Variants in NRXN1 observed in about 807,000 individuals in gnomAD.
NRXN1 encodes the protein neurexin-1.
NRXN1 carries 39 observed loss-of-function variants against 150.9 expected under a neutral mutation model. The observed-to-expected ratio is 0.26, with a 90% CI of 0.20 to 0.34. NRXN1 has a LOEUF of 0.34. Among genes scored for constraint, NRXN1 ranks in the 10% least tolerant of loss-of-function variants. The probability of loss-of-function intolerance (pLI) is 1.00; values close to 1 mark genes in which losing one functional copy is unlikely to be tolerated. For missense variants in NRXN1, 1,815 were observed against 1,949.9 expected, an observed-to-expected ratio of 0.93 and a Z score of 1.30; for synonymous variants, 924 against 757.0, an observed-to-expected ratio of 1.22 and a Z score of -3.62.
intron 5 of NRXN1, among the ~76,000 whole-genome samples, chr2:50,626,604 T>C (rs1362333870): frequency 6.6e-6 from 1 of 151,924 alleles, no homozygotes; most frequent in Admixed American, 6.6e-5. Context: ...ACATCCTTTG[T>C]TCACAAAAAT....
intron 5 of NRXN1, among the ~76,000 whole-genome samples, chr2:50,874,400 T>C (rs1275140012): frequency 6.6e-6 from 1 of 151,780 alleles, no homozygotes; most frequent in African/African-American, 2.4e-5. Flanking sequence ...CATTTTTCCA[T>C]CTCTTTTTTT....
chr2:50,393,840 A>G (rs1053915373), intron 17 of NRXN1, among the ~76,000 whole-genome samples: 3 of 152,074 alleles, frequency 2.0e-5, no homozygotes, highest in African/African-American at 7.2e-5. Flanking sequence ...ATGCGAGAAA[A>G]ATCACAGGCA....
intron 17 of NRXN1, among the ~76,000 whole-genome samples, chr2:50,253,887 T>C (rs943245541): frequency 1.3e-5 from 2 of 151,862 alleles, no homozygotes; most frequent in Non-Finnish European, 2.9e-5. Context: ...TTTTTTGTTG[T>C]ATCTCTGGTA....
At chr2:49,978,147 C>T (rs146223214) in intron 21 of NRXN1, among the ~76,000 whole-genome samples, 11 of 151,936 alleles carry the variant, frequency 7.2e-5, no homozygotes, top group South Asian at 6.2e-4. Context: ...GGTGACAGAG[C>T]GAGACTCCAT....
chr2:50,829,431 T>G, intron 5 of NRXN1: 1 of 1,490,194 alleles, frequency 6.7e-7, no homozygotes, highest in Non-Finnish European at 9.3e-7. Flanking sequence ...CCCGGCTAAC[T>G]CAGGATTTTT....
chr2:50,575,195 T>C (rs951085182), intron 8 of NRXN1, among the ~76,000 whole-genome samples: 2 of 152,212 alleles, frequency 1.3e-5, no homozygotes, highest in Non-Finnish European at 2.9e-5. Context: ...TTCAGTGCCT[T>C]TTCCCCCTCA....
intron 17 of NRXN1, among the ~76,000 whole-genome samples, chr2:50,425,300 C>T (rs1004252198): frequency 3.9e-5 from 6 of 152,126 alleles, no homozygotes; most frequent in Non-Finnish European, 7.4e-5. Context: ...TCAATGTCTT[C>T]CCTGGAAGTA....
At position 50,708,724 on chromosome 2, in the gene NRXN1, C is replaced by T. The variant is rs75620709; in HGVS notation, c.833-85109G>A. 2.8e-3 allele frequency among the ~76,000 whole-genome samples: 430 copies of T among 152,202 alleles called. 8 individuals carry two copies. In the East Asian group the frequency reaches 0.052, roughly 19 times the overall value. ...AAAGCAAATCTAAGGTGTAAAGTAT[C>T]GGTGGGATCTAGTCTGCTTCTCTCC... is the stretch of plus-strand genomic sequence containing the variant. On this transcript the variant is annotated intron_variant, in intron 5 of 22. Transcript: ENST00000401669.
chr2:49,991,551 C>T lies in NRXN1; in HGVS notation c.4129-47760G>A, dbSNP rs1233434304. Among the ~76,000 whole-genome samples the T allele has an allele frequency of 2.0e-5, 3 of 151,978 alleles. No homozygotes were observed. The East Asian group carries it at 5.8e-4, about 29-fold the overall frequency. On this transcript the variant is annotated intron_variant, in intron 21 of 22. Coordinates refer to ENST00000401669, the MANE Select transcript of NRXN1 (RefSeq NM_001330078.2). ...TATCTAAAAAATAAGTAGTTTTCTT[C>T]TATATAAGGAGAACTACAAAACCTT...
chr2:50,617,217 T>A (rs1448893069), intron 8 of NRXN1, among the ~76,000 whole-genome samples: 3 of 151,916 alleles, frequency 2.0e-5, no homozygotes, highest in Non-Finnish European at 2.9e-5. Flanking sequence ...GCAGATCACT[T>A]GAGGTCAGTA....
At chr2:50,995,876 T>C (rs1260867779) in intron 2 of NRXN1, among the ~76,000 whole-genome samples, 1 of 152,108 alleles carries the variant, frequency 6.6e-6, no homozygotes, top group East Asian at 1.9e-4. Context: ...CAGCTGTCTT[T>C]CTGGTGTACT....
chr2:50,518,396 A>G (rs530319164), intron 12 of NRXN1, among the ~76,000 whole-genome samples: 4 of 152,010 alleles, frequency 2.6e-5, no homozygotes, highest in Non-Finnish European at 5.9e-5. Context: ...AAAATTGAGT[A>G]CTAAATAGTT....
intron 18 of NRXN1, among the ~76,000 whole-genome samples, chr2:50,141,565 G>T (rs1707280694): frequency 6.6e-6 from 1 of 151,812 alleles, no homozygotes; most frequent in Non-Finnish European, 1.5e-5. Flanking sequence ...TTCATCCAAG[G>T]GACTAATATC....
At chr2:51,023,437 A>C (rs1397960811) in intron 2 of NRXN1, among the ~76,000 whole-genome samples, 2 of 152,320 alleles carry the variant, frequency 1.3e-5, no homozygotes, top group Admixed American at 1.3e-4. Context: ...CATCTCCTGC[A>C]TCAGAATTCT....
chr2:50,550,054 CTTTTA>C (rs1311804483), intron 9 of NRXN1, among the ~76,000 whole-genome samples: 5 of 151,890 alleles, frequency 3.3e-5, no homozygotes, highest in Admixed American at 3.3e-4. Flanking sequence ...TTTCCTTTTT[CTTTTA>C]TATTATTTTG....
chr2:50,846,028 A>T (rs1673596666), intron 5 of NRXN1, among the ~76,000 whole-genome samples: 1 of 152,204 alleles, frequency 6.6e-6, no homozygotes. Flanking sequence ...TGTTTTTCAC[A>T]TTAAAATTTC....
intron 5 of NRXN1, among the ~76,000 whole-genome samples, chr2:50,805,576 G>C (rs189567081): frequency 6.6e-6 from 1 of 152,032 alleles, no homozygotes; most frequent in African/African-American, 2.4e-5. Flanking sequence ...GGAGGCAGAG[G>C]TTGCAGTGAG....
intron 8 of NRXN1, among the ~76,000 whole-genome samples, chr2:50,565,818 T>G (rs552616495): frequency 1.3e-5 from 2 of 152,198 alleles, no homozygotes; most frequent in South Asian, 4.1e-4. Context: ...CATCAACTCC[T>G]CCCGTCAATA....
intron 18 of NRXN1, among the ~76,000 whole-genome samples, chr2:50,132,306 CTTTT>C (rs71401059): frequency 1.4e-5 from 2 of 139,386 alleles, no homozygotes; most frequent in East Asian, 2.1e-4. Flanking sequence ...TCCCAAAACT[CTTTT>C]TTTTTTTTTT....
Sources: gnomAD v4.1 joint callset for allele counts (sites outside exome capture counted in the v4.1 genomes callset) on GRCh38, gnomAD v4.1.1 for gene constraint, MANE v1.5 for transcripts, NCBI Gene and HGNC (gene_info 2026-07-23, HGNC 2026-07-21) for gene names.